Variants in PLOD2 observed in about 807,000 individuals in gnomAD.
PLOD2 encodes the protein procollagen-lysine,2-oxoglutarate 5-dioxygenase 2, also known as lysine hydroxylase 2.
In PLOD2, 65 loss-of-function variants were observed where a neutral mutation model predicts 101.0. That is an observed-to-expected ratio of 0.64 (90% CI 0.53 to 0.79). The LOEUF is 0.79. Ranked by LOEUF, PLOD2 falls within the 30% of genes least tolerant of loss-of-function variation. The pLI is 0.00. For synonymous variants in PLOD2, 314 were observed against 302.9 expected (o/e 1.04, Z -0.38); for missense variants, 909 against 914.6 (o/e 0.99, Z 0.08).
intron 8 of PLOD2, among the ~76,000 whole-genome samples, chr3:146,090,583 A>C (rs1357265073): frequency 6.6e-6 from 1 of 151,714 alleles, no homozygotes. Flanking sequence ...ATGCAGCTTC[A>C]TTCAGAAATA....
Position 146,088,637 on chromosome 3 carries a change from C to T in PLOD2, c.954G>A (p.Leu318=). Residue 318 remains leucine (L), a synonymous_variant, in exon 9 of 20, where the codon TTG becomes TTA. Coordinates refer to ENST00000282903, the MANE Select transcript of PLOD2 (RefSeq NM_182943.3). ...TPFLPRFLDI[L]LTLDYPKEAL... ...CTTCTTTTGGGTAATCCAGTGTCAA[C>T]AATATGTCCAGAAACCGAGGTAGAA... 1.2e-6 allele frequency: 2 copies of T among 1,600,052 alleles called. No homozygotes were observed. Among genetic ancestry groups the T allele is most frequent in the Non-Finnish European group, 1.7e-6 (2 of 1,167,774 alleles).
At chr3:146,109,952 TTATCCTAGA>T (rs1282752953) in intron 4 of PLOD2, among the ~76,000 whole-genome samples, 1 of 152,130 alleles carries the variant, frequency 6.6e-6, no homozygotes, top group Non-Finnish European at 1.5e-5. Context: ...ACTAAACTTA[TTATCCTAGA>T]GCAAGAAAAT....
intron 1 of PLOD2, among the ~76,000 whole-genome samples, chr3:146,131,046 G>A (rs2030879131): frequency 6.6e-6 from 1 of 152,156 alleles, no homozygotes; most frequent in Admixed American, 6.6e-5. Flanking sequence ...TGAAATTTTG[G>A]TACAGAGGCT....
chr3:146,115,584 C>T (rs557353104), intron 3 of PLOD2, among the ~76,000 whole-genome samples: 292 of 152,106 alleles, frequency 1.9e-3, no homozygotes, highest in Non-Finnish European at 2.6e-3. Flanking sequence ...AAATCCTCTC[C>T]ACTCCCACTA....
chr3:146,124,336 T>C, intron 1 of PLOD2, 107 bp from the exon 2 acceptor site: 4 of 682,632 alleles, frequency 5.9e-6, no homozygotes. Flanking sequence ...GGGAATATTC[T>C]GGTTTACTTA....
rs537726987 is a variant in PLOD2, at chr3:146,082,965, C to T, written c.1233-1102G>A. Among the ~76,000 whole-genome samples, 9 of 152,206 alleles carry T rather than the reference C, an allele frequency of 5.9e-5. No homozygotes were observed. The South Asian group carries it at 1.9e-3, about 32-fold the overall frequency. ...AAATTTTGGTTTATTCTTCCGAATT[C>T]CTACTAAACTATTAATCAGAAACAC... On this transcript the variant is annotated intron_variant, in intron 11 of 19. Transcript: ENST00000282903.
At chr3:146,134,720 A>G (rs1049747556) in intron 1 of PLOD2, among the ~76,000 whole-genome samples, 1 of 152,248 alleles carries the variant, frequency 6.6e-6, no homozygotes, top group Admixed American at 6.5e-5. Context: ...ACAAACCAGC[A>G]CAGGCTGAGG....
intron 4 of PLOD2, 109 bp downstream of exon 4, chr3:146,110,176 A>C: frequency 2.2e-6 from 2 of 926,898 alleles, no homozygotes. Context: ...CTAATAATAA[A>C]ATAAGGGTTA....
chr3:146,122,357 C>G (rs1484423129), intron 2 of PLOD2, among the ~76,000 whole-genome samples: 1 of 152,194 alleles, frequency 6.6e-6, no homozygotes, highest in Non-Finnish European at 1.5e-5. Context: ...CACAACCCAT[C>G]TGGAATCCCT....
chr3:146,083,873 A>G (rs1427667374), intron 11 of PLOD2, among the ~76,000 whole-genome samples: 1 of 150,712 alleles, frequency 6.6e-6, no homozygotes, highest in African/African-American at 2.4e-5. Context: ...GAGCCACCAC[A>G]CCCGGCCGGG....
intron 1 of PLOD2, among the ~76,000 whole-genome samples, chr3:146,136,873 C>T (rs996506277): frequency 6.6e-6 from 1 of 152,126 alleles, no homozygotes; most frequent in Non-Finnish European, 1.5e-5. Context: ...TCTACAATGA[C>T]GAAATTGCCT....
Position 146,147,526 on chromosome 3 carries a change from G to T in PLOD2, c.109+13355C>A, listed in dbSNP as rs1246061012. Among the ~76,000 whole-genome samples, 5 of 152,152 alleles carry T rather than the reference G, an allele frequency of 3.3e-5. No homozygotes were observed. In the South Asian group the frequency reaches 1.0e-3, roughly 32 times the overall value. Reference sequence around the variant, plus strand: ...ATTTGGGGCCAGATAATTCTTTCTTGGGGTGGGGCTGGGAGAGAGTGATGG... The same window carrying T: ...ATTTGGGGCCAGATAATTCTTTCTTTGGGTGGGGCTGGGAGAGAGTGATGG... On this transcript the variant is annotated intron_variant, in intron 1 of 19. Transcript: ENST00000282903.
chr3:146,120,915 G>T (rs553577251), intron 3 of PLOD2, among the ~76,000 whole-genome samples, 197 bp downstream of exon 3: 3 of 151,970 alleles, frequency 2.0e-5, no homozygotes, highest in Non-Finnish European at 4.4e-5. Flanking sequence ...TAGAGACAGG[G>T]TTTCACCATC....
intron 15 of PLOD2, 140 bp downstream of exon 15, chr3:146,076,642 G>C (rs1187779104): frequency 3.4e-6 from 2 of 581,192 alleles, no homozygotes; most frequent in East Asian, 2.9e-5. Context: ...GTGTGAGACA[G>C]TATCTCATTG....
Position 146,124,830 on chromosome 3 carries a change from C to A in PLOD2, c.110-601G>T, listed in dbSNP as rs576121270. Among the ~76,000 whole-genome samples the A allele has an allele frequency of 1.2e-4, 19 of 152,130 alleles. No individual in the cohort carries two copies. In the South Asian group the frequency reaches 3.9e-3, roughly 32 times the overall value. ...AACATTATTTATTGTGTTTTGGTTT[C>A]TCTTTAAAGAATAAATGGAATCAAA... On this transcript the variant is annotated intron_variant, in intron 1 of 19. Transcript: ENST00000282903.
chr3:146,123,166 CT>C (rs1447557480), intron 2 of PLOD2: 1 of 224,748 alleles, frequency 4.4e-6, no homozygotes, highest in Non-Finnish European at 8.3e-6. Context: ...TAAAAACTAC[CT>C]TTTTAATATA....
chr3:146,156,332 A>G, intron 1 of PLOD2, among the ~76,000 whole-genome samples: 1 of 152,218 alleles, frequency 6.6e-6, no homozygotes, highest in East Asian at 1.9e-4. Flanking sequence ...TCTGTACAGG[A>G]CCAGCTAGTC....
chr3:146,072,471 T>C (rs976074637), intron 17 of PLOD2, 90 bp downstream of exon 17: 19 of 836,580 alleles, frequency 2.3e-5, no homozygotes, highest in Non-Finnish European at 3.5e-5. Context: ...CAGAGACATA[T>C]GAGAAAAAGT....
chr3:146,118,526 G>GA (rs1402019134), intron 3 of PLOD2, among the ~76,000 whole-genome samples: 1 of 151,760 alleles, frequency 6.6e-6, no homozygotes, highest in African/African-American at 2.4e-5. Context: ...TTCAAATTGA[G>GA]AAAAAATATG....
Sources: gnomAD v4.1 joint callset for allele counts (sites outside exome capture counted in the v4.1 genomes callset) on GRCh38, gnomAD v4.1.1 for gene constraint, MANE v1.5 for transcripts, NCBI Gene and HGNC (gene_info 2026-07-23, HGNC 2026-07-21) for gene names.